Variants in ZNF878 observed in about 807,000 individuals in gnomAD.
The protein encoded by ZNF878 is zinc finger protein 878.
ZNF878 carries 10 observed loss-of-function variants against 11.1 expected under a neutral mutation model. That is an observed-to-expected ratio of 0.90 (90% CI 0.56 to 1.53). The LOEUF (loss-of-function observed/expected upper bound fraction) is 1.53. Ranked by LOEUF, ZNF878 falls within the 40% of genes most tolerant of loss-of-function variation. The probability of loss-of-function intolerance (pLI) is 0.00; values close to 1 mark genes in which losing one functional copy is unlikely to be tolerated. For missense variants in ZNF878, 548 were observed against 626.1 expected (o/e 0.88, Z 1.33); for synonymous variants, 165 against 209.7 (o/e 0.79, Z 1.84).
intron 3 of ZNF878, chr19:12,046,006 A>G (rs1975481119): frequency 5.7e-6 from 1 of 175,646 alleles, no homozygotes; most frequent in Non-Finnish European, 1.2e-5. Context: ...GGTGTGAGCC[A>G]CCATGTCCAG....
chr19:12,046,585 A>G, intron 2 of ZNF878, 49 bp downstream of exon 2: 1 of 1,612,646 alleles, frequency 6.2e-7, no homozygotes, highest in Non-Finnish European at 8.5e-7. Context: ...GATGAGCTAG[A>G]AACACCTGTT....
chr19:12,044,032 C>T lies in ZNF878; in HGVS notation c.1369G>A (p.Gly457Arg), dbSNP rs1479029252. Residue 457 changes from glycine (G) to arginine (R), a missense_variant, in exon 4 of 4, where the codon GGA becomes AGA. By Grantham distance (125) the Gly-to-Arg change is moderately radical (BLOSUM62 -2). Transcript: ENST00000547628. ...GAATTAGAAGAAATGAAGGCTTTTCCACATTGCTTACACTCATAGGGTTTC... is the reference window on the plus strand; with the variant it reads ...GAATTAGAAGAAATGAAGGCTTTTCTACATTGCTTACACTCATAGGGTTTC... ...GEKPYECKQC[G>R]KAFISSNSIR... The T allele has an allele frequency of 4.3e-6, 7 of 1,613,754 alleles. No individual in the cohort carries two copies. Among genetic ancestry groups the T allele is most frequent in the Non-Finnish European group, 5.9e-6 (7 of 1,179,938 alleles).
intron 3 of ZNF878, 134 bp from the exon 4 acceptor site, chr19:12,045,343 T>G: frequency 1.3e-6 from 1 of 783,660 alleles, no homozygotes; most frequent in Non-Finnish European, 2.0e-6. Context: ...ATGGAACACA[T>G]GCTATACAAG....
chr19:12,052,108 C>G (rs1447679474), intron 1 of ZNF878, among the ~76,000 whole-genome samples: 3 of 152,178 alleles, frequency 2.0e-5, no homozygotes, highest in Non-Finnish European at 4.4e-5. Context: ...ATGTGTCCCG[C>G]CTTTCGGCCA....
At chr19:12,048,843 AAAAAGAAAAG>A (rs1237798828) in intron 1 of ZNF878, among the ~76,000 whole-genome samples, 2,575 of 148,438 alleles carry the variant, frequency 0.017, 77 homozygotes, top group African/African-American at 0.063. Flanking sequence ...AAAAAAAAAA[AAAAAGAAAAG>A]AAAAAGAAAA....
chr19:12,046,479 A>T (rs1975489703), intron 2 of ZNF878, 51 bp from the exon 3 acceptor site: 18 of 1,558,370 alleles, frequency 1.2e-5, no homozygotes, highest in South Asian at 4.7e-5. Context: ...AAATTATTTT[A>T]AAAAGTTACT....
Position 12,044,735 on chromosome 19 carries a change from A to G in ZNF878, c.666T>C (p.Thr222=), listed in dbSNP as rs1312880033. The part of the protein sequence containing the change: ...VSFQTHMRMH[T]GERPHKCNIC... ...TGTTACATTTATGAGGTCTCTCTCC[A>G]GTGTGCATTCTCATGTGTGTCTGAA... is the stretch of plus-strand genomic sequence containing the variant. The change falls in exon 4 of 4, where the codon ACT becomes ACC. Residue 222 remains threonine (T), a synonymous_variant. Transcript: ENST00000547628. The G allele has an allele frequency of 1.2e-6, 2 of 1,614,108 alleles. No individual in the cohort carries two copies. The highest frequency in any genetic ancestry group is 2.7e-5 in the African/African-American group (2 of 74,940).
intron 1 of ZNF878, among the ~76,000 whole-genome samples, chr19:12,051,683 G>T (rs1975553592): frequency 6.6e-6 from 1 of 152,176 alleles, no homozygotes; most frequent in Non-Finnish European, 1.5e-5. Context: ...GAAGTGGGCG[G>T]ATCACAAAGT....
At chr19:12,052,778 T>G (rs1424931922) in intron 1 of ZNF878, 21 bp downstream of exon 1, 1 of 1,534,814 alleles carries the variant, frequency 6.5e-7, no homozygotes, top group South Asian at 1.2e-5. Flanking sequence ...GCCTTGGGAC[T>G]CCCCAGCACC....
At position 12,052,851 on chromosome 19, in the gene ZNF878, G is replaced by C. The variant is rs147578055; in HGVS notation, c.-50C>G. Reference sequence around the variant, plus strand: ...GTCCTCTCTAAAGGTCCCGTGAACAGTGCAGGTCACAGCGCAGTCGACAGA... The same window carrying C: ...GTCCTCTCTAAAGGTCCCGTGAACACTGCAGGTCACAGCGCAGTCGACAGA... On this transcript the variant is annotated 5_prime_UTR_variant, in exon 1 of 4. Coordinates refer to ENST00000547628, the MANE Select transcript of ZNF878 (RefSeq NM_001080404.3). The C allele has an allele frequency of 3.9e-6, 6 of 1,535,316 alleles. No individual in the cohort carries two copies. The highest frequency in any genetic ancestry group is 5.2e-6 in the Non-Finnish European group (6 of 1,146,458).
intron 1 of ZNF878, among the ~76,000 whole-genome samples, chr19:12,048,035 C>A (rs1975511734): frequency 6.6e-6 from 1 of 152,160 alleles, no homozygotes; most frequent in Non-Finnish European, 1.5e-5. Context: ...AAACCCAAAT[C>A]CCATTAAGCA....
chr19:12,051,159 A>G (rs939393667), intron 1 of ZNF878, among the ~76,000 whole-genome samples: 1 of 151,280 alleles, frequency 6.6e-6, no homozygotes, highest in African/African-American at 2.4e-5. Context: ...AGAAAATTTT[A>G]AAGTCCTGGG....
chr19:12,044,422 G>T lies in ZNF878; in HGVS notation c.979C>A (p.Arg327Ser). The change falls in exon 4 of 4, where the codon CGC becomes AGC. Residue 327 changes from arginine (R) to serine (S), a missense_variant. Coordinates refer to ENST00000547628, the MANE Select transcript of ZNF878 (RefSeq NM_001080404.3). Reference sequence around the variant, plus strand: ...CCAGTGTGAGTCTTTTCATGATAGCGAAAGGAAGTGGAAGAAATAAATCCC... The same window carrying T: ...CCAGTGTGAGTCTTTTCATGATAGCTAAAGGAAGTGGAAGAAATAAATCCC... ...GKGFISSTSF[R>S]YHEKTHTGEK... 6.2e-7 allele frequency: 1 copy of T among 1,613,420 alleles called. No homozygotes were observed. The highest frequency in any genetic ancestry group is 8.5e-7 in the Non-Finnish European group (1 of 1,179,830).
intron 1 of ZNF878, among the ~76,000 whole-genome samples, chr19:12,049,777 A>T (rs900704188): frequency 1.2e-4 from 18 of 152,078 alleles, no homozygotes; most frequent in African/African-American, 4.1e-4. Flanking sequence ...TCTCAAAAAA[A>T]AAAAGAATAA....
Position 12,044,286 on chromosome 19 carries a change from C to T in ZNF878, c.1115G>A (p.Cys372Tyr). 6.2e-7 allele frequency: 1 copy of T among 1,614,010 alleles called. No homozygotes were observed. Among genetic ancestry groups the T allele is most frequent in the Non-Finnish European group, 8.5e-7 (1 of 1,180,004 alleles). Reference protein sequence around the residue: ...TGEKPFECKQCGKTFTSSNSF... With the variant: ...TGEKPFECKQYGKTFTSSNSF... Reference sequence around the variant, plus strand: ...ATTGGAAGAAGTGAAGGTTTTCCCACATTGTTTACATTCAAAGGGTTTCTC... The same window carrying T: ...ATTGGAAGAAGTGAAGGTTTTCCCATATTGTTTACATTCAAAGGGTTTCTC... Residue 372 changes from cysteine to tyrosine, a missense_variant, in exon 4 of 4, where the codon TGT (cysteine) becomes TAT (tyrosine). By Grantham distance (194) the Cys-to-Tyr change is radical (BLOSUM62 -2). Coordinates refer to ENST00000547628, the MANE Select transcript of ZNF878 (RefSeq NM_001080404.3).
chr19:12,046,869 C>T, intron 1 of ZNF878, 109 bp from the exon 2 acceptor site: 1 of 1,473,750 alleles, frequency 6.8e-7, no homozygotes, highest in Non-Finnish European at 9.2e-7. Flanking sequence ...GGACTCCAAA[C>T]ATTTATTCCA....
chr19:12,051,110 A>G (rs1377509834), intron 1 of ZNF878, among the ~76,000 whole-genome samples: 4 of 110,468 alleles, frequency 3.6e-5, no homozygotes, highest in East Asian at 4.2e-4. Flanking sequence ...AAAAAAAAAA[A>G]AAAAAAAAGA....
rs1299791001 is a variant in ZNF878, at chr19:12,044,407, T to C, written c.994A>G (p.Thr332Ala). 3 of 1,613,902 alleles carry C rather than the reference T, an allele frequency of 1.9e-6. No homozygotes were observed. Among genetic ancestry groups the C allele is most frequent in the Non-Finnish European group, 2.5e-6 (3 of 1,179,988 alleles). ...TCATAAGGTTTCTCTCCAGTGTGAGTCTTTTCATGATAGCGAAAGGAAGTG... is the reference window on the plus strand; with the variant it reads ...TCATAAGGTTTCTCTCCAGTGTGAGCCTTTTCATGATAGCGAAAGGAAGTG... ...SSTSFRYHEK[T>A]HTGEKPYECK... The change falls in exon 4 of 4, where the codon ACT (threonine) becomes GCT (alanine). Residue 332 changes from threonine to alanine, a missense_variant. By Grantham distance (58) the Thr-to-Ala change is moderately conservative. Around this residue, in one of 3 missense-constraint regions of ZNF878, gnomAD observed 335 missense variants for 358.2 expected, o/e 0.94. Transcript: ENST00000547628.
chr19:12,051,628 C>T (rs1035209707), intron 1 of ZNF878, among the ~76,000 whole-genome samples: 19 of 151,806 alleles, frequency 1.3e-4, no homozygotes, highest in African/African-American at 4.6e-4. Context: ...AAAAATTGGC[C>T]GGGCGCAGTG....
Sources: gnomAD v4.1 joint callset for allele counts (sites outside exome capture counted in the v4.1 genomes callset) on GRCh38, gnomAD v4.1.1 for gene constraint, gnomAD v4.1.1 regional missense constraint, MANE v1.5 for transcripts, NCBI Gene and HGNC (gene_info 2026-07-23, HGNC 2026-07-21) for gene names.